Variants in CFAP20DC observed in about 807,000 individuals in gnomAD.
CFAP20DC encodes the protein CFAP20 domain containing.
Under a neutral mutation model 101.7 loss-of-function variants are expected in CFAP20DC, and 84 were observed. That is an observed-to-expected ratio of 0.83 (90% CI 0.69 to 0.99). CFAP20DC has a LOEUF of 0.99. Ranked by LOEUF, CFAP20DC falls within the 50% of genes least tolerant of loss-of-function variation. CFAP20DC has a pLI of 0.00. For missense variants in CFAP20DC, 1,007 were observed against 970.3 expected (o/e 1.04, Z -0.50); for synonymous variants, 359 against 351.2 (o/e 1.02, Z -0.25).
At chr3:58,797,522 G>A (rs1354924198) in intron 15 of CFAP20DC, among the ~76,000 whole-genome samples, 1 of 152,162 alleles carries the variant, frequency 6.6e-6, no homozygotes, top group Non-Finnish European at 1.5e-5. Context: ...AAGGAAAGAA[G>A]CCATCTCGGT....
At chr3:58,935,460 C>A (rs930996960) in intron 5 of CFAP20DC, among the ~76,000 whole-genome samples, 5 of 151,726 alleles carry the variant, frequency 3.3e-5, no homozygotes, top group Admixed American at 1.3e-4. Context: ...GAGCCCGCAT[C>A]GCCAAGTCAA....
At chr3:59,012,834 G>A (rs907094834) in intron 4 of CFAP20DC, among the ~76,000 whole-genome samples, 3 of 152,096 alleles carry the variant, frequency 2.0e-5, no homozygotes, top group Non-Finnish European at 2.9e-5. Context: ...TTGCAGTTGC[G>A]ATTGTTATCA....
chr3:58,793,195 C>G (rs74421719), intron 15 of CFAP20DC, among the ~76,000 whole-genome samples: 7,764 of 152,216 alleles, frequency 0.051, 246 homozygotes, highest in Non-Finnish European at 0.077. Flanking sequence ...TCATTTCCTA[C>G]ACATTTTTCA....
At chr3:58,810,385 A>T (rs1222905462) in intron 14 of CFAP20DC, among the ~76,000 whole-genome samples, 1 of 152,210 alleles carries the variant, frequency 6.6e-6, no homozygotes, top group Non-Finnish European at 1.5e-5. Flanking sequence ...CCTGGGATGC[A>T]AGGCTGGTTC....
At chr3:58,773,580 G>C (rs2071054790) in intron 15 of CFAP20DC, among the ~76,000 whole-genome samples, 1 of 151,994 alleles carries the variant, frequency 6.6e-6, no homozygotes, top group Non-Finnish European at 1.5e-5. Context: ...TTTTAAAAAA[G>C]TAAACGCCAA....
At position 58,917,742 on chromosome 3, in the gene CFAP20DC, T is replaced by C. The variant is rs541630228; in HGVS notation, c.394-3878A>G. Among the ~76,000 whole-genome samples, 8 of 152,302 alleles carry C rather than the reference T, an allele frequency of 5.3e-5. 1 individual carries two copies. The South Asian group carries it at 1.7e-3, about 32-fold the overall frequency. ...TAAGTGGTATAAGCAGAGATTGAAA[T>C]TGTAATTCTATATTTACAAGGTTAG... is the stretch of plus-strand genomic sequence containing the variant. On this transcript the variant is annotated intron_variant, in intron 5 of 16. Coordinates refer to ENST00000482387, the MANE Select transcript of CFAP20DC (RefSeq NM_001394063.1).
chr3:59,045,115 G>A (rs1023172746), intron 3 of CFAP20DC, among the ~76,000 whole-genome samples: 1 of 150,482 alleles, frequency 6.6e-6, no homozygotes, highest in African/African-American at 2.4e-5. Flanking sequence ...GGTCTCTTTC[G>A]TAGTTTAGAA....
At chr3:58,760,552 C>A (rs531100606) in intron 15 of CFAP20DC, among the ~76,000 whole-genome samples, 3,311 of 152,160 alleles carry the variant, frequency 0.022, 37 homozygotes, top group Admixed American at 0.034. Context: ...ATTGCCCTGG[C>A]CAGAACTTCC....
At chr3:58,821,002 T>C (rs1413124489) in intron 14 of CFAP20DC, among the ~76,000 whole-genome samples, 1 of 151,654 alleles carries the variant, frequency 6.6e-6, no homozygotes, top group African/African-American at 2.4e-5. Context: ...TATCTACAAT[T>C]ATCTGATCTT....
At chr3:58,782,077 A>G (rs2071883606) in intron 15 of CFAP20DC, among the ~76,000 whole-genome samples, 2 of 152,100 alleles carry the variant, frequency 1.3e-5, no homozygotes, top group African/African-American at 4.8e-5. Flanking sequence ...ATTAATATAC[A>G]AAGATCAAGC....
intron 12 of CFAP20DC, among the ~76,000 whole-genome samples, chr3:58,857,889 G>A (rs2078963487): frequency 1.3e-5 from 2 of 152,112 alleles, no homozygotes; most frequent in African/African-American, 2.4e-5. Context: ...TCTTTAATAA[G>A]GTAGAGATGA....
At position 58,774,635 on chromosome 3, in the gene CFAP20DC, G is replaced by A. The variant is rs537440016; in HGVS notation, c.2238-20772C>T. Reference sequence around the variant, plus strand: ...GATGGAATTCATCAGGAAAAGACACGCCAGGCAAAAAGAGATGAAATGTCC... The same window carrying A: ...GATGGAATTCATCAGGAAAAGACACACCAGGCAAAAAGAGATGAAATGTCC... On this transcript the variant is annotated intron_variant, in intron 15 of 16. Coordinates refer to ENST00000482387, the MANE Select transcript of CFAP20DC (RefSeq NM_001394063.1). Among the ~76,000 whole-genome samples, 6 of 152,254 alleles carry A rather than the reference G, an allele frequency of 3.9e-5. No individual in the cohort carries two copies. The South Asian group carries it at 1.2e-3, about 32-fold the overall frequency.
Position 58,800,054 on chromosome 3 carries a change from TG to T in CFAP20DC, c.2237+6340del, listed in dbSNP as rs767218253. Among the ~76,000 whole-genome samples the T allele has an allele frequency of 7.9e-4, 120 of 152,260 alleles. 1 individual carries two copies. The highest frequency in any genetic ancestry group is 1.5e-3 in the Admixed American group (23 of 15,292). On this transcript the variant is annotated intron_variant, in intron 15 of 16. Transcript: ENST00000482387. ...AGTAGAGATCGAGCAAGGTGCTCAG[TG>T]GTGTGAAACACCATCTGAGAGGTGG...
intron 5 of CFAP20DC, among the ~76,000 whole-genome samples, chr3:58,931,803 A>C (rs2107677162): frequency 1.3e-5 from 2 of 152,362 alleles, no homozygotes; most frequent in South Asian, 2.1e-4. Context: ...CCAAAAGTAG[A>C]TAAAACCACA....
At chr3:58,823,160 T>C (rs947453789) in intron 14 of CFAP20DC, among the ~76,000 whole-genome samples, 2 of 152,148 alleles carry the variant, frequency 1.3e-5, no homozygotes, top group African/African-American at 2.4e-5. Context: ...AAAACTTACA[T>C]GAAATAAATT....
chr3:58,972,420 T>C (rs746340379), intron 4 of CFAP20DC, among the ~76,000 whole-genome samples: 39 of 152,176 alleles, frequency 2.6e-4, no homozygotes, highest in Non-Finnish European at 1.5e-4. Flanking sequence ...AGTCAGAGGA[T>C]GATCATTTGT....
At chr3:58,716,186 G>A (rs1270127306), downstream of CFAP20DC, among the ~76,000 whole-genome samples, 57 of 110,714 alleles carry the variant, frequency 5.1e-4, no homozygotes, top group South Asian at 9.3e-4. Flanking sequence ...ACGGAGTCTC[G>A]CTCTGTCGCC....
At chr3:58,962,463 T>C (rs1202573914) in intron 4 of CFAP20DC, among the ~76,000 whole-genome samples, 1 of 152,178 alleles carries the variant, frequency 6.6e-6, no homozygotes, top group South Asian at 2.1e-4. Flanking sequence ...GAAAATTCCA[T>C]GTGCACTGAA....
At chr3:58,815,424 T>A (rs1319020016) in intron 14 of CFAP20DC, among the ~76,000 whole-genome samples, 8 of 147,260 alleles carry the variant, frequency 5.4e-5, no homozygotes, top group African/African-American at 2.0e-4. Context: ...AACCTAGGCA[T>A]TACCATTCAG....
Sources: gnomAD v4.1 joint callset for allele counts (sites outside exome capture counted in the v4.1 genomes callset) on GRCh38, gnomAD v4.1.1 for gene constraint, MANE v1.5 for transcripts, NCBI Gene and HGNC (gene_info 2026-07-23, HGNC 2026-07-21) for gene names.